DPCD: variants seen among roughly 807,000 people sequenced by gnomAD.
DPCD encodes the protein protein DPCD.
Under a neutral mutation model 26.4 loss-of-function variants are expected in DPCD, and 20 were observed. The ratio of observed to expected loss-of-function variants is 0.76; its 90% confidence interval spans 0.53 to 1.10. The LOEUF is 1.10. DPCD is among the 50% of genes least tolerant of loss of function. The probability of loss-of-function intolerance (pLI) is 0.00; values close to 1 mark genes in which losing one functional copy is unlikely to be tolerated. For missense variants in DPCD, 202 were observed against 253.9 expected, an observed-to-expected ratio of 0.80 and a Z score of 1.39; for synonymous variants, 97 against 94.2, an observed-to-expected ratio of 1.03 and a Z score of -0.17.
At chr10:101,601,119 G>T in intron 3 of DPCD, 84 bp from the exon 4 acceptor site, 1 of 1,582,856 alleles carries the variant, frequency 6.3e-7, no homozygotes, top group South Asian at 1.2e-5. Flanking sequence ...TGAGGGTCTT[G>T]TTGTGCCCCG....
chr10:101,595,524 A>G (rs1473766083), intron 2 of DPCD, among the ~76,000 whole-genome samples: 1 of 152,144 alleles, frequency 6.6e-6, no homozygotes, highest in African/African-American at 2.4e-5. Flanking sequence ...TCTTGTCATT[A>G]TTCTTGGCTT....
At chr10:101,608,234 G>A (rs1183235660) in intron 4 of DPCD, among the ~76,000 whole-genome samples, 4 of 152,172 alleles carry the variant, frequency 2.6e-5, no homozygotes, top group Admixed American at 6.5e-5. Flanking sequence ...TCCAGCTTCC[G>A]TGATGAGTAA....
At chr10:101,608,495 A>C (rs1392916449) in intron 4 of DPCD, among the ~76,000 whole-genome samples, 1 of 152,174 alleles carries the variant, frequency 6.6e-6, no homozygotes, top group Admixed American at 6.5e-5. Flanking sequence ...GGGGTAGAGG[A>C]GTCCCAAGCT....
intron 1 of DPCD, among the ~76,000 whole-genome samples, chr10:101,592,524 A>C (rs1389305573): frequency 6.6e-6 from 1 of 151,946 alleles, no homozygotes; most frequent in Non-Finnish European, 1.5e-5. Context: ...GTTTGAGATC[A>C]GTCTGGGTAA....
In DPCD at chr10:101,608,924, C is replaced by A; in HGVS notation, c.494C>A (p.Thr165Asn). 6.2e-7 allele frequency: 1 copy of A among 1,612,846 alleles called. No individual in the cohort carries two copies. The highest frequency in any genetic ancestry group is 8.5e-7 in the Non-Finnish European group (1 of 1,179,198). ...ALLSFAHANC[T>N]LIISYQKPKE... is the part of the protein sequence containing the mutation. ...CTGAGCTTTGCCCACGCCAACTGCA[C>A]CCTGATCATCTCTGTAAGATTCACC... is the stretch of plus-strand genomic sequence containing the variant. The change falls in exon 5 of 6, where the codon ACC becomes AAC. Residue 165 changes from threonine (T) to asparagine (N), a missense_variant. By Grantham distance (65) the Thr-to-Asn change is moderately conservative. Coordinates refer to ENST00000370151, the MANE Select transcript of DPCD (RefSeq NM_015448.3).
rs1447955020 is a variant in DPCD, at chr10:101,603,265, G to A, written c.404+1929G>A. Among the ~76,000 whole-genome samples the A allele has an allele frequency of 3.3e-5, 5 of 152,072 alleles. No individual in the cohort carries two copies. Among genetic ancestry groups the A allele is most frequent in the Admixed American group, 2.0e-4 (3 of 15,270 alleles). On this transcript the variant is annotated intron_variant, in intron 4 of 5. Transcript: ENST00000370151. This position sits in a 1 kb window ranked among gnomAD's most constrained non-coding sequence, Gnocchi z 4.6. ...CTGAACCCTTAGCCAGATCGTTCCCGAACCTAGTGGCATTTTTACCTTCTA... is the reference window on the plus strand; with the variant it reads ...CTGAACCCTTAGCCAGATCGTTCCCAAACCTAGTGGCATTTTTACCTTCTA...
At chr10:101,592,056 C>T (rs1271274963) in intron 1 of DPCD, among the ~76,000 whole-genome samples, 2 of 151,584 alleles carry the variant, frequency 1.3e-5, no homozygotes, top group African/African-American at 2.4e-5. Flanking sequence ...TTTTCTTTTA[C>T]AAAAATATAC....
At chr10:101,606,039 T>C (rs1474881745) in intron 4 of DPCD, among the ~76,000 whole-genome samples, 2 of 152,132 alleles carry the variant, frequency 1.3e-5, no homozygotes, top group African/African-American at 4.8e-5. Context: ...ATGGCTGAAA[T>C]AGAACATTGA....
chr10:101,605,034 T>C lies in DPCD; in HGVS notation c.404+3698T>C, dbSNP rs574173439. 560 of 1,483,690 alleles carry C rather than the reference T, an allele frequency of 3.8e-4. 3 individuals are homozygous for C. In the African/African-American group the frequency reaches 6.3e-3, roughly 17 times the overall value. 91.9% of individuals were successfully genotyped at this position (1,483,690 alleles called of 1,614,324 possible). ...TTGGTGGGGCCGAGAGCCTTTAGTATGTGTGTGTGATTGTGACTGTCTAGC... is the reference window on the plus strand; with the variant it reads ...TTGGTGGGGCCGAGAGCCTTTAGTACGTGTGTGTGATTGTGACTGTCTAGC... On this transcript the variant is annotated intron_variant, in intron 4 of 5. Coordinates refer to ENST00000370151, the MANE Select transcript of DPCD (RefSeq NM_015448.3).
At position 101,594,591 on chromosome 10, in the gene DPCD, C is replaced by T. The variant is rs558053417; in HGVS notation, c.65-67C>T. 1.7e-5 allele frequency: 26 copies of T among 1,529,106 alleles called. No individual in the cohort carries two copies. In the Admixed American group the frequency reaches 3.2e-4, roughly 19 times the overall value. 94.7% of individuals were successfully genotyped at this position (1,529,106 alleles called of 1,614,324 possible). ...GGCTGGCACTGTTTCCCAGGTAGGC[C>T]CCTTGATCTGCAAGGGACAGGGCAA... On this transcript the variant is annotated intron_variant, in intron 1 of 5. Coordinates refer to ENST00000370151, the MANE Select transcript of DPCD (RefSeq NM_015448.3).
rs1169241843 is a variant in DPCD, at chr10:101,594,604, AGGGACAGGGCAAGGGGAGACTT to A, written c.65-53_65-32del. On this transcript the variant is annotated intron_variant, in intron 1 of 5. Transcript: ENST00000370151. The stretch of plus-strand genomic sequence containing the variant: ...TCCCAGGTAGGCCCCTTGATCTGCA[AGGGACAGGGCAAGGGGAGACTT>A]TGAGGTAAGGCATTCTCTGTTTTGT... 1.9e-6 allele frequency: 3 copies of A among 1,577,524 alleles called. No individual in the cohort carries two copies. The African/African-American group carries it at 4.0e-5, about 21-fold the overall frequency.
chr10:101,602,446 G>A (rs1163538916), intron 4 of DPCD, among the ~76,000 whole-genome samples: 1 of 152,228 alleles, frequency 6.6e-6, no homozygotes, highest in Non-Finnish European at 1.5e-5. Flanking sequence ...AAGAGGACAG[G>A]GGAAAGGGTG....
In DPCD at chr10:101,600,342, T is replaced by C. The variant is rs572897063; in HGVS notation, c.146-396T>C. On this transcript the variant is annotated intron_variant, in intron 2 of 5. Transcript: ENST00000370151. The surrounding 1 kb of genome is among the most constrained non-coding windows in gnomAD (Gnocchi z 4.7). Reference sequence around the variant, plus strand: ...CTCTGCATGTTTTTGAGGGAAAAAGTGTGCTTCAACTCCTTTTTGGGATCC... The same window carrying C: ...CTCTGCATGTTTTTGAGGGAAAAAGCGTGCTTCAACTCCTTTTTGGGATCC... 7.2e-5 allele frequency among the ~76,000 whole-genome samples: 11 copies of C among 152,296 alleles called. No individual in the cohort carries two copies. In the East Asian group the frequency reaches 9.6e-4, roughly 13 times the overall value.
At position 101,600,835 on chromosome 10, in the gene DPCD, T is replaced by C. The variant is rs1763203981; in HGVS notation, c.243T>C (p.Pro81=). Residue 81 remains proline (P), a synonymous_variant, in exon 3 of 6, where the codon CCT becomes CCC. Coordinates refer to ENST00000370151, the MANE Select transcript of DPCD (RefSeq NM_015448.3). This position sits in a 1 kb window ranked among gnomAD's most constrained non-coding sequence, Gnocchi z 4.7. ...PAPLGAGNLG[P]ELIKESNANP... ...CCCTAGGAGCAGGGAACCTGGGGCC[T>C]GAACTCATCAAGGAAAGCAATGCCA... The C allele has an allele frequency of 6.2e-7, 1 of 1,613,846 alleles. No individual in the cohort carries two copies. Among genetic ancestry groups the C allele is most frequent in the Non-Finnish European group, 8.5e-7 (1 of 1,179,992 alleles).
In DPCD at chr10:101,609,498, C is replaced by T. The variant is rs781038518; in HGVS notation, c.*27C>T. 2 of 1,601,226 alleles carry T rather than the reference C, an allele frequency of 1.2e-6. No individual in the cohort carries two copies. Among genetic ancestry groups the T allele is most frequent in the South Asian group, 1.1e-5 (1 of 90,054 alleles). On this transcript the variant is annotated 3_prime_UTR_variant, in exon 6 of 6. Transcript: ENST00000370151. ...TGGCCCCTGAGCCTTATACCTCCAC[C>T]ACAGGGGGTGCCGTGAGACTTCAAG...
chr10:101,597,019 T>C (rs961939595), intron 2 of DPCD, among the ~76,000 whole-genome samples: 1 of 152,128 alleles, frequency 6.6e-6, no homozygotes, highest in African/African-American at 2.4e-5. Flanking sequence ...TCAGTGCTAT[T>C]CATTCCCACC....
In DPCD at chr10:101,608,897, T is replaced by C. The variant is rs7006; in HGVS notation, c.467T>C (p.Leu156Ser). 444,188 of 1,612,594 alleles carry C rather than the reference T, an allele frequency of 0.28. 63,182 individuals carry two copies. The highest frequency in any genetic ancestry group is 0.3 in the African/African-American group (22,783 of 74,866). ...CACCAGCTACCTCTGGATGACGCCT[T>C]GCTGAGCTTTGCCCACGCCAACTGC... ...DRHQLPLDDALLSFAHANCTL... is the reference protein window; with the variant it reads ...DRHQLPLDDASLSFAHANCTL... The change falls in exon 5 of 6, where the codon TTG becomes TCG. Residue 156 changes from leucine (L) to serine (S), a missense_variant. By Grantham distance (145) the Leu-to-Ser change is moderately radical. Around this residue, in one of 3 missense-constraint regions of DPCD, gnomAD observed 118 missense variants for 145.1 expected, o/e 0.81. Coordinates refer to ENST00000370151, the MANE Select transcript of DPCD (RefSeq NM_015448.3).
intron 4 of DPCD, among the ~76,000 whole-genome samples, chr10:101,608,233 C>T (rs753072039): frequency 3.3e-5 from 5 of 152,118 alleles, no homozygotes; most frequent in South Asian, 2.1e-4. Context: ...GTCCAGCTTC[C>T]GTGATGAGTA....
chr10:101,608,088 T>C (rs1258946087), intron 4 of DPCD, among the ~76,000 whole-genome samples: 1 of 152,134 alleles, frequency 6.6e-6, no homozygotes, highest in Non-Finnish European at 1.5e-5. Context: ...GACTGGGTGT[T>C]GCCATCTGTT....
Sources: gnomAD v4.1 joint callset for allele counts (sites outside exome capture counted in the v4.1 genomes callset) on GRCh38, gnomAD v4.1.1 for gene constraint, gnomAD v4.1.1 regional missense constraint, Gnocchi (gnomAD v3.1) non-coding constraint, MANE v1.5 for transcripts, NCBI Gene and HGNC (gene_info 2026-07-23, HGNC 2026-07-21) for gene names.